Variants in HEATR5A observed in about 807,000 individuals in gnomAD.
HEATR5A encodes the protein HEAT repeat-containing protein 5A.
In HEATR5A, 178 loss-of-function variants were observed where a neutral mutation model predicts 218.8. The ratio of observed to expected loss-of-function variants is 0.81; its 90% confidence interval spans 0.72 to 0.92. The LOEUF (loss-of-function observed/expected upper bound fraction) is 0.92. HEATR5A is among the 40% of genes least tolerant of loss of function. The probability of loss-of-function intolerance (pLI) is 0.00; values close to 1 mark genes in which losing one functional copy is unlikely to be tolerated. For synonymous variants in HEATR5A, 864 were observed against 871.6 expected, an observed-to-expected ratio of 0.99 and a Z score of 0.15; for missense variants, 2,420 against 2,418.9, an observed-to-expected ratio of 1.00 and a Z score of -0.01.
intron 26 of HEATR5A, 135 bp from the exon 27 acceptor site, chr14:31,316,084 A>G: frequency 1.6e-6 from 1 of 627,048 alleles, no homozygotes. Flanking sequence ...GGAGTTTGAG[A>G]CAAGCCTGGG....
intron 32 of HEATR5A, among the ~76,000 whole-genome samples, chr14:31,303,105 T>G (rs1899439807): frequency 6.7e-6 from 1 of 149,650 alleles, no homozygotes; most frequent in East Asian, 2.1e-4. Flanking sequence ...AGTGAGACCC[T>G]GTCTAAAAAA....
Position 31,293,517 on chromosome 14 carries a change from G to T in HEATR5A, c.5929C>A (p.His1977Asn). ...ATGAGATTTTGTAGAGCAAAGTCATGTAAATTTCTCATTATGGAAGTTGCT... is the reference window on the plus strand; with the variant it reads ...ATGAGATTTTGTAGAGCAAAGTCATTTAAATTTCTCATTATGGAAGTTGCT... ...GSATSIMRNL[H>N]DFALQNLMQI... The change falls in exon 36 of 36, where the codon CAT (histidine) becomes AAT (asparagine). Residue 1977 changes from histidine to asparagine, a missense_variant. Physicochemically the swap from His to Asn is moderately conservative, Grantham distance 68. Coordinates refer to ENST00000543095, the MANE Select transcript of HEATR5A (RefSeq NM_015473.4). 1 of 1,613,836 alleles carries T rather than the reference G, an allele frequency of 6.2e-7. No homozygotes were observed. The highest frequency in any genetic ancestry group is 8.5e-7 in the Non-Finnish European group (1 of 1,179,748).
intron 16 of HEATR5A, among the ~76,000 whole-genome samples, chr14:31,355,476 TA>T (rs1901392509): frequency 6.6e-6 from 1 of 152,098 alleles, no homozygotes; most frequent in Non-Finnish European, 1.5e-5. Context: ...CTCATGCCTA[TA>T]ATCTCAGCAC....
At chr14:31,337,379 ATTAACTT>A in intron 22 of HEATR5A, 90 bp downstream of exon 22, 1 of 965,466 alleles carries the variant, frequency 1.0e-6, no homozygotes, top group Non-Finnish European at 1.5e-6. Context: ...TTTAAGACAT[ATTAACTT>A]TTAAACTGTT....
Position 31,383,769 on chromosome 14 carries a change from G to A in HEATR5A, c.1348C>T (p.Leu450Phe). ...ATAACTGACAAGATACTGTCAAGGAGACCTGGAAGGATAAACAAATGATGA... is the reference window on the plus strand; with the variant it reads ...ATAACTGACAAGATACTGTCAAGGAAACCTGGAAGGATAAACAAATGATGA... ...APLLQDSSTG[L>F]LDSILSVILH... The change falls in exon 10 of 36, where the codon CTC (leucine) becomes TTC (phenylalanine). Residue 450 changes from leucine to phenylalanine, a missense_variant and splice_region_variant. Transcript: ENST00000543095. 1 of 1,611,530 alleles carries A rather than the reference G, an allele frequency of 6.2e-7. No individual in the cohort carries two copies.
chr14:31,385,175 G>C (rs539260648), intron 9 of HEATR5A, among the ~76,000 whole-genome samples: 2 of 152,314 alleles, frequency 1.3e-5, no homozygotes, highest in African/African-American at 4.8e-5. Context: ...ACCCAGGATG[G>C]AATGCAGTGG....
chr14:31,308,142 TC>T, intron 29 of HEATR5A, 122 bp from the exon 30 acceptor site: 2 of 883,096 alleles, frequency 2.3e-6, no homozygotes, highest in Non-Finnish European at 3.4e-6. Flanking sequence ...TACAAATAAA[TC>T]ACAATGAATT....
chr14:31,348,875 T>G (rs1195923163), intron 18 of HEATR5A, among the ~76,000 whole-genome samples: 1 of 152,166 alleles, frequency 6.6e-6, no homozygotes, highest in Non-Finnish European at 1.5e-5. Flanking sequence ...AAGGTCAAAG[T>G]GCTATCAATA....
intron 1 of HEATR5A, among the ~76,000 whole-genome samples, chr14:31,416,139 A>G (rs1243550459): frequency 6.6e-6 from 1 of 151,982 alleles, no homozygotes; most frequent in Admixed American, 6.6e-5. Flanking sequence ...GTTTTTTGAG[A>G]TGGAGTCTCG....
chr14:31,360,487 C>T (rs1901582484), intron 14 of HEATR5A, among the ~76,000 whole-genome samples: 1 of 152,166 alleles, frequency 6.6e-6, no homozygotes, highest in Non-Finnish European at 1.5e-5. Flanking sequence ...GCCTCTCTAA[C>T]ATATACACTT....
intron 26 of HEATR5A, among the ~76,000 whole-genome samples, chr14:31,316,447 CAA>C (rs1481678296): frequency 6.6e-6 from 1 of 152,020 alleles, no homozygotes; most frequent in Admixed American, 6.6e-5. Flanking sequence ...TAATGATAGT[CAA>C]AAGTCAGCAT....
chr14:31,370,429 T>C (rs1466358973), intron 13 of HEATR5A, among the ~76,000 whole-genome samples: 1 of 152,146 alleles, frequency 6.6e-6, no homozygotes, highest in Non-Finnish European at 1.5e-5. Context: ...TTTTTACCTA[T>C]TGGATGGGGT....
intron 16 of HEATR5A, among the ~76,000 whole-genome samples, chr14:31,354,963 T>G (rs1687619133): frequency 6.6e-6 from 1 of 152,202 alleles, no homozygotes; most frequent in African/African-American, 2.4e-5. Context: ...AAACTTTCAG[T>G]GCCCACCACC....
At chr14:31,354,228 T>C (rs1318577702) in intron 16 of HEATR5A, among the ~76,000 whole-genome samples, 2 of 152,122 alleles carry the variant, frequency 1.3e-5, no homozygotes, top group Admixed American at 6.5e-5. Context: ...TAAAAACCTA[T>C]AACGTCATTA....
chr14:31,345,911 C>A (rs1901004065), intron 19 of HEATR5A, among the ~76,000 whole-genome samples: 1 of 135,060 alleles, frequency 7.4e-6, no homozygotes, highest in Admixed American at 7.2e-5. Flanking sequence ...CACATGCACA[C>A]ACGCACACAC....
chr14:31,322,328 G>C (rs1283420653), intron 24 of HEATR5A, among the ~76,000 whole-genome samples: 4 of 152,080 alleles, frequency 2.6e-5, no homozygotes, highest in Admixed American at 1.3e-4. Context: ...GAGAGCACAG[G>C]AATCAGTTAA....
In HEATR5A at chr14:31,302,470, G is replaced by A; in HGVS notation, c.5289C>T (p.Leu1763=). The change falls in exon 33 of 36, where the codon CTC becomes CTT. Residue 1763 remains leucine, a synonymous_variant. Transcript: ENST00000543095. Reference sequence around the variant, plus strand: ...CAGGTAACTTCACAGCAGTCTCTCTGAGGACCCCGATTGTGAGGTACAATA... The same window carrying A: ...CAGGTAACTTCACAGCAGTCTCTCTAAGGACCCCGATTGTGAGGTACAATA... ...PTILYLTIGV[L]RETAVKLPGG... 6.3e-7 allele frequency: 1 copy of A among 1,594,286 alleles called. No individual in the cohort carries two copies. Among genetic ancestry groups the A allele is most frequent in the Non-Finnish European group, 8.6e-7 (1 of 1,169,316 alleles).
intron 16 of HEATR5A, among the ~76,000 whole-genome samples, chr14:31,355,827 G>C (rs1433120165): frequency 6.6e-6 from 1 of 152,188 alleles, no homozygotes; most frequent in African/African-American, 2.4e-5. Flanking sequence ...CCTACAGTCA[G>C]AATAGAGAGA....
chr14:31,335,108 T>C (rs1900610337), intron 22 of HEATR5A, among the ~76,000 whole-genome samples: 1 of 152,200 alleles, frequency 6.6e-6, no homozygotes, highest in Non-Finnish European at 1.5e-5. Flanking sequence ...TAGCATCTTT[T>C]AGCAATAAAG....
Sources: allele counts gnomAD v4.1 joint callset (sites outside exome capture counted in the v4.1 genomes callset), GRCh38; gene constraint gnomAD v4.1.1; transcripts MANE v1.5; gene names NCBI Gene and HGNC (gene_info 2026-07-23, HGNC 2026-07-21).